The following HNF4G variants were observed in gnomAD, a reference collection of about 807,000 sequenced individuals.
HNF4G encodes the protein hepatocyte nuclear factor 4 gamma.
HNF4G carries 21 observed loss-of-function variants against 50.9 expected under a neutral mutation model. That is an observed-to-expected ratio of 0.41 (90% CI 0.29 to 0.59). The LOEUF (loss-of-function observed/expected upper bound fraction) is 0.59. Among genes scored for constraint, HNF4G ranks in the 20% least tolerant of loss-of-function variants. The pLI is 0.26. For synonymous variants in HNF4G, 198 were observed against 185.6 expected, an observed-to-expected ratio of 1.07 and a Z score of -0.54; for missense variants, 527 against 559.4, an observed-to-expected ratio of 0.94 and a Z score of 0.58.
At chr8:75,500,637 G>A (rs1418441656) in intron 2 of HNF4G, among the ~76,000 whole-genome samples, 1 of 152,004 alleles carries the variant, frequency 6.6e-6, no homozygotes, top group African/African-American at 2.4e-5. Context: ...CTAACATATG[G>A]ATAAGAAAAT....
Position 75,559,051 on chromosome 8 carries a change from A to G in HNF4G, c.1123+14A>G. The stretch of plus-strand genomic sequence containing the variant: ...TGCTATTAGGTGGTGAGTACATTGA[A>G]TAATTTCTACTTTATTGATTAGAAT... On this transcript the variant is annotated intron_variant, in intron 8 of 9. Coordinates refer to ENST00000396423, the MANE Select transcript of HNF4G (RefSeq NM_004133.5). 7.2e-7 allele frequency: 1 copy of G among 1,383,448 alleles called. No homozygotes were observed. The highest frequency in any genetic ancestry group is 1.0e-6 in the Non-Finnish European group (1 of 969,648). 85.7% of individuals were successfully genotyped at this position (1,383,448 alleles called of 1,614,324 possible). A position where few individuals can be genotyped will look rare whatever the true frequency, so the allele number is the denominator to read the frequency against.
chr8:75,549,924 A>T (rs1294632242), intron 3 of HNF4G, among the ~76,000 whole-genome samples: 1 of 152,084 alleles, frequency 6.6e-6, no homozygotes, highest in African/African-American at 2.4e-5. Context: ...CCATGTCCCT[A>T]CAAAGGACAT....
intron 1 of HNF4G, among the ~76,000 whole-genome samples, chr8:75,418,946 C>T (rs969849648): frequency 3.3e-5 from 5 of 152,006 alleles, no homozygotes; most frequent in African/African-American, 4.8e-5. Flanking sequence ...ACACCGACCT[C>T]GAATTCCTGA....
intron 1 of HNF4G, among the ~76,000 whole-genome samples, chr8:75,446,762 C>T (rs1811426027): frequency 8.9e-6 from 1 of 112,748 alleles, no homozygotes; most frequent in Non-Finnish European, 1.7e-5. Flanking sequence ...CTACAAACCA[C>T]TGCTCAAGGA....
At chr8:75,532,872 A>C (rs1806366067) in intron 2 of HNF4G, among the ~76,000 whole-genome samples, 3 of 152,062 alleles carry the variant, frequency 2.0e-5, no homozygotes, top group Admixed American at 2.0e-4. Flanking sequence ...AATGTGTAGG[A>C]TAATAACTCT....
chr8:75,418,591 C>G (rs187708649), intron 1 of HNF4G, among the ~76,000 whole-genome samples: 1 of 152,146 alleles, frequency 6.6e-6, no homozygotes, highest in African/African-American at 2.4e-5. Flanking sequence ...AGTATATTCC[C>G]CCTTTGACAA....
chr8:75,529,146 C>T (rs1382369701), intron 2 of HNF4G, among the ~76,000 whole-genome samples: 8 of 151,906 alleles, frequency 5.3e-5, no homozygotes, highest in Non-Finnish European at 1.2e-4. Flanking sequence ...AAAAAATTAG[C>T]TGGGAGTGGT....
intron 1 of HNF4G, among the ~76,000 whole-genome samples, chr8:75,432,422 T>C (rs2130522009): frequency 6.6e-6 from 1 of 152,202 alleles, no homozygotes; most frequent in East Asian, 1.9e-4. Flanking sequence ...GTTCAAGCGA[T>C]TCTTGTGCCT....
intron 2 of HNF4G, among the ~76,000 whole-genome samples, chr8:75,527,780 A>T (rs1368863797): frequency 6.6e-6 from 1 of 152,116 alleles, no homozygotes; most frequent in East Asian, 1.9e-4. Context: ...GAGATCTTTC[A>T]GTTATTGTGA....
chr8:75,455,335 T>C (rs530390003), intron 1 of HNF4G, among the ~76,000 whole-genome samples: 6 of 152,330 alleles, frequency 3.9e-5, no homozygotes, highest in African/African-American at 1.4e-4. Context: ...AGAAAGATTG[T>C]ATTTGTTTTT....
At chr8:75,479,681 A>G (rs138615856) in intron 1 of HNF4G, among the ~76,000 whole-genome samples, 1 of 152,034 alleles carries the variant, frequency 6.6e-6, no homozygotes, top group African/African-American at 2.4e-5. Context: ...TAGAAACTGG[A>G]TAACAAGAGA....
intron 1 of HNF4G, among the ~76,000 whole-genome samples, chr8:75,474,576 T>C (rs533875872): frequency 1.1e-4 from 17 of 152,300 alleles, no homozygotes; most frequent in Admixed American, 2.6e-4. Flanking sequence ...GTCTGAAATA[T>C]GTCCACATAA....
Position 75,427,866 on chromosome 8 carries a change from G to A in HNF4G, c.-144+19704G>A, listed in dbSNP as rs554801270. Among the ~76,000 whole-genome samples the A allele has an allele frequency of 2.0e-5, 3 of 152,134 alleles. No homozygotes were observed. The South Asian group carries it at 6.2e-4, about 32-fold the overall frequency. On this transcript the variant is annotated intron_variant, in intron 1 of 10. Coordinates refer to the HNF4G transcript ENST00000354370. Reference sequence around the variant, plus strand: ...TTTATTAATGCAAGTGAACCCTGAAGGTTTGTGTAGCATTATTTAAGCCAG... The same window carrying A: ...TTTATTAATGCAAGTGAACCCTGAAAGTTTGTGTAGCATTATTTAAGCCAG...
chr8:75,501,343 G>T (rs1256638009), intron 2 of HNF4G, among the ~76,000 whole-genome samples: 3 of 152,142 alleles, frequency 2.0e-5, no homozygotes, highest in Admixed American at 1.3e-4. Context: ...CTACTTGGGA[G>T]GCTGAGGCCA....
At chr8:75,461,859 G>T (rs544272170) in intron 1 of HNF4G, among the ~76,000 whole-genome samples, 2 of 133,374 alleles carry the variant, frequency 1.5e-5, no homozygotes, top group African/African-American at 3.2e-5. Context: ...GAAGTCATGT[G>T]AATATGGTCT....
chr8:75,539,000 C>G (rs568416351), upstream of HNF4G, among the ~76,000 whole-genome samples: 2 of 152,072 alleles, frequency 1.3e-5, no homozygotes, highest in Non-Finnish European at 2.9e-5. Context: ...AAAATAGAAT[C>G]AATAAACATA....
intron 1 of HNF4G, among the ~76,000 whole-genome samples, chr8:75,438,434 C>T (rs1811192620): frequency 6.6e-6 from 1 of 152,096 alleles, no homozygotes; most frequent in Non-Finnish European, 1.5e-5. Context: ...GAACATTGTC[C>T]CTGTCCCTAA....
At chr8:75,410,999 T>A (rs1325993473) in intron 1 of HNF4G, among the ~76,000 whole-genome samples, 1 of 152,248 alleles carries the variant, frequency 6.6e-6, no homozygotes, top group Non-Finnish European at 1.5e-5. Context: ...GCAATTTATA[T>A]GCCTTTTGCT....
chr8:75,533,226 G>A (rs1466644886), intron 2 of HNF4G, among the ~76,000 whole-genome samples: 5 of 151,966 alleles, frequency 3.3e-5, no homozygotes, highest in African/African-American at 1.2e-4. Flanking sequence ...AGACAAAATA[G>A]TAAATAGAAA....
Sources: gnomAD v4.1 joint callset for allele counts (sites outside exome capture counted in the v4.1 genomes callset) on GRCh38, gnomAD v4.1.1 for gene constraint, MANE v1.5 for transcripts, NCBI Gene and HGNC (gene_info 2026-07-23, HGNC 2026-07-21) for gene names.